The following PATJ variants were observed in gnomAD, a reference collection of about 807,000 sequenced individuals.
PATJ encodes PATJ crumbs cell polarity complex component.
PATJ carries 190 observed loss-of-function variants against 224.9 expected under a neutral mutation model. The observed-to-expected ratio is 0.84, with a 90% CI of 0.75 to 0.95. PATJ has a LOEUF of 0.95. Among genes scored for constraint, PATJ ranks in the 40% least tolerant of loss-of-function variants. The pLI, the probability that PATJ is intolerant of heterozygous loss-of-function variation, is 0.00. For missense variants in PATJ, 2,121 were observed against 2,270.3 expected (o/e 0.93, Z 1.34); for synonymous variants, 769 against 820.3 (o/e 0.94, Z 1.07).
chr1:61,822,430 A>G (rs977157854), intron 14 of PATJ, among the ~76,000 whole-genome samples: 14 of 20,076 alleles, frequency 7.0e-4, no homozygotes, highest in East Asian at 0.019. Flanking sequence ...ACTGTGTCAG[A>G]AAAAAAAAAA....
In PATJ at chr1:61,934,625, C is replaced by A. The variant is rs554546251; in HGVS notation, c.3670+6796C>A. 2.0e-5 allele frequency among the ~76,000 whole-genome samples: 3 copies of A among 152,192 alleles called. No homozygotes were observed. In the East Asian group the frequency reaches 5.8e-4, roughly 29 times the overall value. ...GAAAAGCTTGCCTGACTCCTTAGTT[C>A]AGTATAGATTCCTGCATTTTTCCTT... is the stretch of plus-strand genomic sequence containing the variant. On this transcript the variant is annotated intron_variant, in intron 27 of 43. Coordinates refer to ENST00000642238, the MANE Select transcript of PATJ (RefSeq NM_001350145.3).
rs1050887408 is a variant in PATJ, at chr1:62,018,758, AAG to A, written c.3959+812_3959+813del. Reference sequence around the variant, plus strand: ...CTCAATACAACATCTAGCATAGAGTAAGGGGTGAAAGAATGTTAGCTGCTATT... The same window carrying A: ...CTCAATACAACATCTAGCATAGAGTAGGGTGAAAGAATGTTAGCTGCTATT... On this transcript the variant is annotated intron_variant, in intron 29 of 43. Coordinates refer to ENST00000642238, the MANE Select transcript of PATJ (RefSeq NM_001350145.3). The surrounding 1 kb of genome is among the most constrained non-coding windows in gnomAD (Gnocchi z 4.2). 4.6e-5 allele frequency among the ~76,000 whole-genome samples: 7 copies of A among 152,314 alleles called. No individual in the cohort carries two copies. The highest frequency in any genetic ancestry group is 1.7e-4 in the African/African-American group (7 of 41,576).
chr1:61,824,642 C>G (rs1056187130), intron 15 of PATJ, among the ~76,000 whole-genome samples: 1 of 151,932 alleles, frequency 6.6e-6, no homozygotes, highest in Admixed American at 6.6e-5. Context: ...CCATGCTGGT[C>G]TTGAACTCCT....
chr1:61,826,392 A>G (rs568067095), intron 15 of PATJ, among the ~76,000 whole-genome samples: 2 of 140,592 alleles, frequency 1.4e-5, no homozygotes, highest in African/African-American at 2.6e-5. Flanking sequence ...TTAATGCCAG[A>G]CTAGAAATAT....
At chr1:62,126,618 T>C (rs747497244) in intron 39 of PATJ, among the ~76,000 whole-genome samples, 13 of 152,330 alleles carry the variant, frequency 8.5e-5, no homozygotes, top group East Asian at 7.7e-4. Context: ...TGGGGAACAT[T>C]TTCAGCCACA....
chr1:61,756,072 C>A (rs895420974), intron 1 of PATJ, among the ~76,000 whole-genome samples: 1 of 152,164 alleles, frequency 6.6e-6, no homozygotes, highest in Non-Finnish European at 1.5e-5. Flanking sequence ...GGATTGCAGG[C>A]GTGAGCCACC....
At chr1:61,801,925 CTTTTTTTTTTCTT>C (rs1652602388) in intron 12 of PATJ, among the ~76,000 whole-genome samples, 156 bp downstream of exon 12, 3 of 133,586 alleles carry the variant, frequency 2.2e-5, no homozygotes, top group East Asian at 4.5e-4. Flanking sequence ...GACAGAGTTT[CTTTTTTTTTTCTT>C]TTTTTTTTTT....
chr1:62,111,081 C>T (rs895722124), intron 34 of PATJ, among the ~76,000 whole-genome samples: 1 of 152,178 alleles, frequency 6.6e-6, no homozygotes, highest in South Asian at 2.1e-4. Flanking sequence ...GAGCAGATAC[C>T]GTCATGCTGG....
chr1:62,080,036 A>C (rs979528862), intron 32 of PATJ, among the ~76,000 whole-genome samples: 2 of 151,928 alleles, frequency 1.3e-5, no homozygotes, highest in Non-Finnish European at 2.9e-5. Context: ...TCAAAAAAAA[A>C]AAAAAGGAAA....
intron 14 of PATJ, among the ~76,000 whole-genome samples, chr1:61,812,433 A>AGAGTGTGT (rs1397549346): frequency 3.1e-3 from 262 of 85,196 alleles, no homozygotes; most frequent in African/African-American, 7.5e-3. Context: ...AGAGAGAGAG[A>AGAGTGTGT]GTGTGTGTGT....
chr1:61,936,133 A>G (rs752901486), intron 27 of PATJ, among the ~76,000 whole-genome samples: 1 of 152,024 alleles, frequency 6.6e-6, no homozygotes, highest in Non-Finnish European at 1.5e-5. Flanking sequence ...ATTTTAGAAC[A>G]TTTAGGACAT....
intron 14 of PATJ, among the ~76,000 whole-genome samples, chr1:61,820,564 A>G (rs1021184613): frequency 6.6e-6 from 1 of 151,910 alleles, no homozygotes; most frequent in Admixed American, 6.6e-5. Flanking sequence ...CTGGTCTTGA[A>G]CTCACTACCT....
chr1:61,787,625 C>T, intron 7 of PATJ, 129 bp from the exon 8 acceptor site: 1 of 651,074 alleles, frequency 1.5e-6, no homozygotes, highest in East Asian at 2.7e-5. Context: ...AACAGTATTC[C>T]ATTTTATTCA....
intron 20 of PATJ, among the ~76,000 whole-genome samples, chr1:61,873,831 TG>T: frequency 6.6e-6 from 1 of 152,244 alleles, no homozygotes; most frequent in South Asian, 2.1e-4. Flanking sequence ...CTGGGGGGAA[TG>T]GGGTGGAGCC....
intron 33 of PATJ, among the ~76,000 whole-genome samples, chr1:62,098,358 C>CAAAAAAAAAAAA (rs57285107): frequency 1.6e-5 from 2 of 123,448 alleles, no homozygotes; most frequent in Admixed American, 8.6e-5. Flanking sequence ...GACTCCATCT[C>CAAAAAAAAAAAA]AAAAAAAAAA....
chr1:61,916,977 G>T (rs1673542472), intron 26 of PATJ, among the ~76,000 whole-genome samples: 1 of 152,130 alleles, frequency 6.6e-6, no homozygotes, highest in African/African-American at 2.4e-5. Context: ...ACAGAGTCTG[G>T]AAAATACCTT....
chr1:61,999,096 A>T lies in PATJ; in HGVS notation c.3867+8732A>T, dbSNP rs965868948. Among the ~76,000 whole-genome samples, 82 of 99,080 alleles carry T rather than the reference A, an allele frequency of 8.3e-4. No individual in the cohort carries two copies. In the Middle Eastern group the frequency reaches 0.023, roughly 27 times the overall value. The allele number at this position is 99,080 out of a possible 152,430, so 65.0% of individuals were successfully genotyped here. On this transcript the variant is annotated intron_variant, in intron 28 of 43. Transcript: ENST00000642238. ...AAGCAGATTACTGAAGAAATCTGTT[A>T]AAAAAAAAATAGCGACAGGAATGTA...
At chr1:62,112,341 A>T (rs1317671738) in intron 34 of PATJ, among the ~76,000 whole-genome samples, 2 of 152,080 alleles carry the variant, frequency 1.3e-5, no homozygotes, top group Non-Finnish European at 2.9e-5. Flanking sequence ...CCCCGTCTCT[A>T]CTAAAAATAC....
intron 21 of PATJ, among the ~76,000 whole-genome samples, chr1:61,875,938 C>T (rs1040880545): frequency 3.3e-5 from 5 of 152,086 alleles, no homozygotes; most frequent in African/African-American, 1.2e-4. Context: ...CTTCATCTAA[C>T]ACTAAAATAT....
Sources: allele counts gnomAD v4.1 joint callset (sites outside exome capture counted in the v4.1 genomes callset), GRCh38; gene constraint gnomAD v4.1.1; non-coding constraint Gnocchi (gnomAD v3.1); transcripts MANE v1.5; gene names NCBI Gene and HGNC (gene_info 2026-07-23, HGNC 2026-07-21).